The following INVS variants were observed in gnomAD, a reference collection of about 807,000 sequenced individuals.
INVS encodes inversion of embryo turning homolog.
INVS carries 86 observed loss-of-function variants against 108.8 expected under a neutral mutation model. That is an observed-to-expected ratio of 0.79 (90% confidence interval 0.66 to 0.95). The LOEUF is 0.95. INVS is among the 40% of genes least tolerant of loss of function. The probability of loss-of-function intolerance (pLI) is 0.00; values close to 1 mark genes in which losing one functional copy is unlikely to be tolerated. For missense variants in INVS, 1,169 were observed against 1,297.4 expected (o/e 0.90, Z 1.52); for synonymous variants, 455 against 473.5 (o/e 0.96, Z 0.51).
chr9:100,240,619 T>C (rs1483634369), intron 6 of INVS, among the ~76,000 whole-genome samples: 1 of 152,136 alleles, frequency 6.6e-6, no homozygotes, highest in Non-Finnish European at 1.5e-5. Flanking sequence ...AAATGCCTTT[T>C]ACTTAACCTT....
rs540201209 is a variant in INVS, at chr9:100,231,569, C to T, written c.615+1742C>T. 3.3e-3 allele frequency among the ~76,000 whole-genome samples: 452 copies of T among 137,674 alleles called. 1 individual carries two copies. Among genetic ancestry groups the T allele is most frequent in the Non-Finnish European group, 4.6e-3 (298 of 65,328 alleles). The allele number at this position is 137,674 out of a possible 152,430, so 90.3% of individuals were successfully genotyped here. A position where few individuals can be genotyped will look rare whatever the true frequency, so the allele number is the denominator to read the frequency against. On this transcript the variant is annotated intron_variant, in intron 5 of 16. Coordinates refer to ENST00000262457, the MANE Select transcript of INVS (RefSeq NM_014425.5). ...TCCCCTCCCTGTGTCCATGTGTTCT[C>T]ATTGTTCAACTCCCACTTATGAGAA...
chr9:100,178,870 T>C (rs1358127917), intron 3 of INVS, among the ~76,000 whole-genome samples: 1 of 151,780 alleles, frequency 6.6e-6, no homozygotes, highest in Admixed American at 6.6e-5. Context: ...AAGGGAAAAA[T>C]GTTAAGGGCA....
intron 10 of INVS, among the ~76,000 whole-genome samples, chr9:100,264,347 T>TTGGC (rs1832718208): frequency 1.3e-5 from 2 of 152,122 alleles, no homozygotes; most frequent in Admixed American, 1.3e-4. Flanking sequence ...GCCAGGCATG[T>TTGGC]TGGCTCACGC....
intron 1 of INVS, among the ~76,000 whole-genome samples, chr9:100,100,967 T>TATATATGTATATATA (rs1826949432): frequency 4.7e-5 from 1 of 21,486 alleles, no homozygotes; most frequent in South Asian, 3.1e-3. Flanking sequence ...ATATATATAA[T>TATATATGTATATATA]ATATATTATA....
At chr9:100,101,000 A>AT (rs1491176587) in intron 1 of INVS, among the ~76,000 whole-genome samples, 1 of 84,966 alleles carries the variant, frequency 1.2e-5, no homozygotes, top group African/African-American at 6.2e-5. Context: ...ATGTATATAT[A>AT]ATATATATAT....
At chr9:100,166,527 A>T (rs1465675671) in intron 3 of INVS, among the ~76,000 whole-genome samples, 1 of 152,168 alleles carries the variant, frequency 6.6e-6, no homozygotes, top group Non-Finnish European at 1.5e-5. Context: ...TGTTTAAGAA[A>T]AAAAAGAAGC....
chr9:100,292,684 C>A lies in INVS; in HGVS notation c.2427C>A (p.Ser809Arg), dbSNP rs1448346306. 2.5e-6 allele frequency: 4 copies of A among 1,614,158 alleles called. No homozygotes were observed. Among genetic ancestry groups the A allele is most frequent in the Non-Finnish European group, 1.7e-6 (2 of 1,180,008 alleles). The change falls in exon 14 of 17, where the codon AGC (serine) becomes AGA (arginine). Residue 809 changes from serine (S) to arginine (R), a missense_variant. Ser to Arg is a moderately radical substitution (Grantham distance 110). This residue lies in a region of INVS where 533 missense variants were observed against 536.0 expected (regional missense o/e 0.99). Coordinates refer to ENST00000262457, the MANE Select transcript of INVS (RefSeq NM_014425.5). Reference sequence around the variant, plus strand: ...GAAGGTGCTCTCCGGCTGGTTCTAGCCGCCCTGGCAGTGCCCGGGGGGAGG... The same window carrying A: ...GAAGGTGCTCTCCGGCTGGTTCTAGACGCCCTGGCAGTGCCCGGGGGGAGG... ...RGGRCSPAGS[S>R]RPGSARGEAV...
chr9:100,275,026 T>C (rs950615238), intron 12 of INVS, among the ~76,000 whole-genome samples: 2 of 152,168 alleles, frequency 1.3e-5, no homozygotes, highest in East Asian at 3.9e-4. Context: ...CTTCAGTAAA[T>C]AGAGAAACAT....
chr9:100,297,158 T>C lies in INVS; in HGVS notation c.3016+12T>C. 6.2e-7 allele frequency: 1 copy of C among 1,607,442 alleles called. No individual in the cohort carries two copies. ...TAAGCAAATCTATGGTAACTGTCCT[T>C]CTGCCTACTTTGTAGTTCACAAGTA... is the stretch of plus-strand genomic sequence containing the variant. On this transcript the variant is annotated intron_variant, in intron 15 of 16. Coordinates refer to ENST00000262457, the MANE Select transcript of INVS (RefSeq NM_014425.5).
At chr9:100,179,214 G>A (rs1267877420) in intron 3 of INVS, among the ~76,000 whole-genome samples, 2 of 152,158 alleles carry the variant, frequency 1.3e-5, no homozygotes, top group African/African-American at 4.8e-5. Context: ...TCGACACTGT[G>A]AAGAAACTGC....
At chr9:100,133,341 T>C (rs927089481) in intron 3 of INVS, among the ~76,000 whole-genome samples, 1 of 141,012 alleles carries the variant, frequency 7.1e-6, no homozygotes, top group Non-Finnish European at 1.5e-5. Flanking sequence ...TTACTTTATG[T>C]GTGTGTGTGT....
At chr9:100,292,268 T>G (rs1833641321) in intron 13 of INVS, 58 bp from the exon 14 acceptor site, 1 of 1,417,008 alleles carries the variant, frequency 7.1e-7, no homozygotes, top group Admixed American at 1.7e-5. Context: ...GTGAACATAT[T>G]AGGAAAATTA....
intron 12 of INVS, among the ~76,000 whole-genome samples, chr9:100,274,675 T>G (rs1833064520): frequency 6.6e-6 from 1 of 152,214 alleles, no homozygotes; most frequent in South Asian, 2.1e-4. Context: ...CAGCTAATTT[T>G]TGTACTTTTA....
At chr9:100,167,434 C>A (rs1254806223) in intron 3 of INVS, among the ~76,000 whole-genome samples, 1 of 152,014 alleles carries the variant, frequency 6.6e-6, no homozygotes, top group African/African-American at 2.4e-5. Flanking sequence ...TGCATTTGTT[C>A]TTCCCTCTCC....
intron 13 of INVS, among the ~76,000 whole-genome samples, chr9:100,286,489 C>T (rs1455024520): frequency 1.3e-5 from 2 of 152,068 alleles, no homozygotes; most frequent in East Asian, 3.9e-4. Flanking sequence ...TGCAGTGAAC[C>T]GAGATTGCGT....
chr9:100,240,231 G>C lies in INVS; in HGVS notation c.787G>C (p.Ala263Pro). ...ATTTCGAACCCCACTGCACTGGGCA[G>C]CTTTATTAGGTACGTGACTCAAAGG... Reference protein sequence around the residue: ...NLFRTPLHWAALLGHAQIVHL... With the variant: ...NLFRTPLHWAPLLGHAQIVHL... The change falls in exon 6 of 17, where the codon GCT becomes CCT. Residue 263 changes from alanine (A) to proline (P), a missense_variant. Transcript: ENST00000262457. 6.2e-7 allele frequency: 1 copy of C among 1,613,436 alleles called. No individual in the cohort carries two copies. Among genetic ancestry groups the C allele is most frequent in the Non-Finnish European group, 8.5e-7 (1 of 1,179,448 alleles).
intron 4 of INVS, among the ~76,000 whole-genome samples, chr9:100,228,180 G>A (rs1831395399): frequency 6.6e-6 from 1 of 151,726 alleles, no homozygotes; most frequent in Non-Finnish European, 1.5e-5. Context: ...TAGTAGAGAC[G>A]GGGTTTCACC....
At chr9:100,241,002 C>A (rs1010318074) in intron 6 of INVS, among the ~76,000 whole-genome samples, 1 of 152,002 alleles carries the variant, frequency 6.6e-6, no homozygotes, top group African/African-American at 2.4e-5. Flanking sequence ...GAGTCAAGAG[C>A]AAAAATGCAT....
rs1197141861 is a variant in INVS at position 100,297,836 on chromosome 9, C to T, written c.3017-100C>T. On this transcript the variant is annotated intron_variant, in intron 15 of 16. Transcript: ENST00000262457. Reference sequence around the variant, plus strand: ...CATACCTAACTTATCTTGACACACACCTGCAAGCTCAAGCCTTTACCACAA... The same window carrying T: ...CATACCTAACTTATCTTGACACACATCTGCAAGCTCAAGCCTTTACCACAA... The T allele has an allele frequency of 4.2e-6, 5 of 1,188,906 alleles. No homozygotes were observed. The Admixed American group carries it at 8.5e-5, about 20-fold the overall frequency. The allele number at this position is 1,188,906 out of a possible 1,614,324, so 73.6% of individuals were successfully genotyped here. A position where few individuals can be genotyped will look rare whatever the true frequency, so the allele number is the denominator to read the frequency against.
Sources: gnomAD v4.1 joint callset for allele counts (sites outside exome capture counted in the v4.1 genomes callset) on GRCh38, gnomAD v4.1.1 for gene constraint, gnomAD v4.1.1 regional missense constraint, MANE v1.5 for transcripts, NCBI Gene and HGNC (gene_info 2026-07-23, HGNC 2026-07-21) for gene names.